SYN3: variants seen among roughly 807,000 people sequenced by gnomAD.
The protein encoded by SYN3 is synapsin-3.
SYN3 carries 35 observed loss-of-function variants against 65.8 expected under a neutral mutation model. The ratio of observed to expected loss-of-function variants is 0.53; its 90% confidence interval spans 0.41 to 0.70. The LOEUF (loss-of-function observed/expected upper bound fraction) is 0.70. SYN3 is among the 30% of genes least tolerant of loss of function. The pLI, the probability that SYN3 is intolerant of heterozygous loss-of-function variation, is 0.00. For missense variants in SYN3, 680 were observed against 749.0 expected, an observed-to-expected ratio of 0.91 and a Z score of 1.08; for synonymous variants, 270 against 292.9, an observed-to-expected ratio of 0.92 and a Z score of 0.80.
At chr22:32,674,925 T>A (rs920631018) in intron 6 of SYN3, among the ~76,000 whole-genome samples, 1 of 152,106 alleles carries the variant, frequency 6.6e-6, no homozygotes, top group African/African-American at 2.4e-5. Context: ...ATGGAGGAGA[T>A]CCTGATATGA....
chr22:32,539,634 G>A (rs2058221195), intron 8 of SYN3, among the ~76,000 whole-genome samples: 1 of 152,204 alleles, frequency 6.6e-6, no homozygotes, highest in Non-Finnish European at 1.5e-5. Context: ...AGAGGGGGTT[G>A]AATGGCCGGG....
chr22:32,872,882 T>C (rs2048885917), intron 4 of SYN3, among the ~76,000 whole-genome samples: 1 of 151,692 alleles, frequency 6.6e-6, no homozygotes, highest in South Asian at 2.1e-4. Context: ...GGATGATTCC[T>C]GCTTTTAAGA....
chr22:33,035,808 C>G (rs1432758189), intron 1 of SYN3, among the ~76,000 whole-genome samples: 1 of 152,182 alleles, frequency 6.6e-6, no homozygotes, highest in Non-Finnish European at 1.5e-5. Flanking sequence ...TCTCAAACTC[C>G]TGGCCTCAAG....
intron 3 of SYN3, among the ~76,000 whole-genome samples, chr22:32,970,548 C>CAA (rs992125403): frequency 1.7e-5 from 2 of 115,656 alleles, no homozygotes; most frequent in African/African-American, 6.4e-5. Context: ...GACTCCATCT[C>CAA]AAAAAAAAAA....
At chr22:32,726,170 G>A (rs903453359) in intron 6 of SYN3, among the ~76,000 whole-genome samples, 1 of 150,386 alleles carries the variant, frequency 6.6e-6, no homozygotes, top group East Asian at 1.9e-4. Flanking sequence ...TTGAGATGAA[G>A]TCTCACTCTG....
chr22:32,832,621 T>C (rs1436892533), intron 6 of SYN3, among the ~76,000 whole-genome samples: 1 of 152,088 alleles, frequency 6.6e-6, no homozygotes, highest in Non-Finnish European at 1.5e-5. Context: ...GTAGAGTTAT[T>C]CACTAAATCA....
chr22:32,834,736 AC>A (rs1257074334), intron 6 of SYN3, among the ~76,000 whole-genome samples: 1 of 152,064 alleles, frequency 6.6e-6, no homozygotes, highest in Non-Finnish European at 1.5e-5. Context: ...GGAGAGGTGC[AC>A]TCCGGGTGGC....
intron 6 of SYN3, among the ~76,000 whole-genome samples, chr22:32,726,618 A>G (rs1447670513): frequency 6.6e-6 from 1 of 152,146 alleles, no homozygotes; most frequent in African/African-American, 2.4e-5. Flanking sequence ...TTCATGTATG[A>G]GAGCTCATGT....
intron 7 of SYN3, among the ~76,000 whole-genome samples, chr22:32,591,875 G>A (rs574782521): frequency 4.6e-5 from 7 of 152,266 alleles, no homozygotes; most frequent in African/African-American, 1.4e-4. Context: ...TGCCCAGGAC[G>A]TGAATCATCA....
rs1261092127 is a variant in SYN3 at position 32,801,980 on chromosome 22, GGCAGCGGCGGCA to G, written c.711+62923_711+62934del. 6.3e-7 allele frequency: 1 copy of G among 1,580,498 alleles called. No individual in the cohort carries two copies. Among genetic ancestry groups the G allele is most frequent in the Non-Finnish European group, 8.5e-7 (1 of 1,170,602 alleles). On this transcript the variant is annotated intron_variant, in intron 6 of 13. Coordinates refer to ENST00000358763, the MANE Select transcript of SYN3 (RefSeq NM_003490.4). The surrounding 1 kb of genome is among the most constrained non-coding windows in gnomAD (Gnocchi z 4.7). Reference sequence around the variant, plus strand: ...CTTTGGAGAGGCGAGCAGCAGCCCCGGCAGCGGCGGCAGCAGCGGCAATGACCCCTTGGCTCG... The same window carrying G: ...CTTTGGAGAGGCGAGCAGCAGCCCCGGCAGCGGCAATGACCCCTTGGCTCG...
intron 6 of SYN3, among the ~76,000 whole-genome samples, chr22:32,770,557 T>C (rs2045742484): frequency 6.6e-6 from 1 of 152,146 alleles, no homozygotes; most frequent in South Asian, 2.1e-4. Context: ...GTTCCCTTGT[T>C]CTAAAACCTC....
intron 6 of SYN3, among the ~76,000 whole-genome samples, chr22:32,670,546 G>T (rs2060346562): frequency 6.6e-6 from 1 of 152,170 alleles, no homozygotes; most frequent in East Asian, 1.9e-4. Context: ...TCTATCGTTT[G>T]GATTCAGTCT....
intron 7 of SYN3, among the ~76,000 whole-genome samples, chr22:32,572,877 C>T (rs1007102221): frequency 4.6e-5 from 7 of 152,166 alleles, no homozygotes; most frequent in African/African-American, 9.7e-5. Flanking sequence ...CAGGGCCTTG[C>T]GTTGCCACTG....
At chr22:32,644,101 A>AAAAAAAAAAAAAGAG (rs368236821) in intron 6 of SYN3, among the ~76,000 whole-genome samples, 1 of 71,214 alleles carries the variant, frequency 1.4e-5, no homozygotes. Context: ...AAAAAAAAAA[A>AAAAAAAAAAAAAGAG]AGCGACAAGA....
At position 32,518,135 on chromosome 22, in the gene SYN3, G is replaced by A. The variant is rs776753346; in HGVS notation, c.1518C>T (p.Leu506=). The change falls in exon 13 of 14, where the codon CTC becomes CTT. Residue 506 remains leucine, a synonymous_variant. Transcript: ENST00000358763. ...GCACAGGGGGCCGGGGCTGTGAGGCGAGGGTGGCACCTGGCTTGGAGGCCT... is the reference window on the plus strand; with the variant it reads ...GCACAGGGGGCCGGGGCTGTGAGGCAAGGGTGGCACCTGGCTTGGAGGCCT... The part of the protein sequence containing the change: ...PNQASKPGAT[L]ASQPRPPVQG... 1.5e-5 allele frequency: 24 copies of A among 1,607,900 alleles called. No homozygotes were observed. Among genetic ancestry groups the A allele is most frequent in the Middle Eastern group, 3.3e-4 (2 of 6,034 alleles).
intron 5 of SYN3, among the ~76,000 whole-genome samples, chr22:32,866,403 T>G (rs1286321854): frequency 6.6e-6 from 1 of 152,182 alleles, no homozygotes; most frequent in Non-Finnish European, 1.5e-5. Flanking sequence ...TATGTGTGTG[T>G]GGGGTCCCTC....
intron 7 of SYN3, among the ~76,000 whole-genome samples, chr22:32,550,619 C>T (rs1015378332): frequency 1.3e-5 from 2 of 150,868 alleles, no homozygotes; most frequent in East Asian, 3.9e-4. Flanking sequence ...TTCAAAATAT[C>T]AGGATGAATT....
At chr22:32,900,825 T>G (rs2049738917) in intron 4 of SYN3, among the ~76,000 whole-genome samples, 1 of 152,242 alleles carries the variant, frequency 6.6e-6, no homozygotes, top group African/African-American at 2.4e-5. Context: ...CTGGGAAGAC[T>G]TACTGCCTAG....
chr22:32,765,322 G>A (rs973543426), intron 6 of SYN3, among the ~76,000 whole-genome samples: 5 of 152,082 alleles, frequency 3.3e-5, no homozygotes, highest in African/African-American at 1.2e-4. Context: ...CACAAACCTC[G>A]CTCGCCCACT....
Sources: allele counts gnomAD v4.1 joint callset (sites outside exome capture counted in the v4.1 genomes callset), GRCh38; gene constraint gnomAD v4.1.1; non-coding constraint Gnocchi (gnomAD v3.1); transcripts MANE v1.5; gene names NCBI Gene and HGNC (gene_info 2026-07-23, HGNC 2026-07-21).